Variants in EFCAB5 observed in about 807,000 individuals in gnomAD.
EFCAB5 encodes the protein EF-hand calcium binding domain 5.
A neutral mutation model predicts 167.9 loss-of-function variants in EFCAB5; 131 were observed. The observed-to-expected ratio is 0.78, with a 90% CI of 0.68 to 0.90. EFCAB5 has a LOEUF of 0.90. EFCAB5 is among the 40% of genes least tolerant of loss of function. EFCAB5 has a pLI of 0.00. For missense variants in EFCAB5, 1,663 were observed against 1,745.2 expected (o/e 0.95, Z 0.84); for synonymous variants, 574 against 602.8 (o/e 0.95, Z 0.70).
chr17:30,086,118 C>G (rs1466343658), intron 18 of EFCAB5, among the ~76,000 whole-genome samples: 1 of 152,088 alleles, frequency 6.6e-6, no homozygotes, highest in African/African-American at 2.4e-5. Context: ...GCCTCAACCT[C>G]CGGGGTAGCT....
At chr17:29,971,495 G>A (rs1159759589) in intron 4 of EFCAB5, among the ~76,000 whole-genome samples, 1 of 152,038 alleles carries the variant, frequency 6.6e-6, no homozygotes, top group African/African-American at 2.4e-5. Context: ...TATATTACTA[G>A]TTCTGTTCCA....
intron 7 of EFCAB5, among the ~76,000 whole-genome samples, chr17:30,016,104 T>C (rs1196047063): frequency 2.0e-5 from 3 of 152,200 alleles, no homozygotes; most frequent in Non-Finnish European, 4.4e-5. Flanking sequence ...TCATAACTGT[T>C]CTTTATATAT....
intron 14 of EFCAB5, among the ~76,000 whole-genome samples, chr17:30,068,364 G>T (rs2070634837): frequency 6.6e-6 from 1 of 151,018 alleles, no homozygotes; most frequent in African/African-American, 2.4e-5. Flanking sequence ...AGAGGAAAAA[G>T]AAATTTAAAA....
At chr17:29,997,224 G>A (rs967773875) in intron 6 of EFCAB5, among the ~76,000 whole-genome samples, 5 of 150,068 alleles carry the variant, frequency 3.3e-5, no homozygotes, top group African/African-American at 1.2e-4. Flanking sequence ...CAGCCTGGGT[G>A]ACAGAGTGAG....
At chr17:29,930,157 A>G in intron 1 of EFCAB5, 1 of 659,060 alleles carries the variant, frequency 1.5e-6, no homozygotes, top group Non-Finnish European at 2.5e-6. Flanking sequence ...CTCCGCACCC[A>G]CCACCAGACT....
intron 14 of EFCAB5, among the ~76,000 whole-genome samples, chr17:30,062,250 G>A (rs2070444098): frequency 6.6e-6 from 1 of 152,178 alleles, no homozygotes; most frequent in Admixed American, 6.5e-5. Flanking sequence ...ATAACTGAGG[G>A]AGAGTGCCAT....
At chr17:29,931,520 T>TG (rs2067194650) in intron 1 of EFCAB5, among the ~76,000 whole-genome samples, 1 of 152,206 alleles carries the variant, frequency 6.6e-6, no homozygotes, top group Non-Finnish European at 1.5e-5. Flanking sequence ...AGAAGCCAGC[T>TG]GGTAGGCTTT....
chr17:30,007,292 T>A (rs1289384851), intron 7 of EFCAB5, among the ~76,000 whole-genome samples: 1 of 152,204 alleles, frequency 6.6e-6, no homozygotes, highest in Non-Finnish European at 1.5e-5. Context: ...TGTCTGCTGT[T>A]GATGAAGCTG....
At position 29,993,175 on chromosome 17, in the gene EFCAB5, A is replaced by G; in HGVS notation, c.778A>G (p.Met260Val). The change falls in exon 5 of 23, where the codon ATG becomes GTG. Residue 260 changes from methionine to valine, a missense_variant. Physicochemically the swap from Met to Val is conservative, Grantham distance 21 (BLOSUM62 1). Transcript: ENST00000394835. ...ATCTACATCCTGCAGAGTATCCAAG[A>G]TGAAGGAGAATGTTAAACAGAATAG... is the stretch of plus-strand genomic sequence containing the variant. Reference protein sequence around the residue: ...PDTICNRVSKMKENVKQNRKQ... With the variant: ...PDTICNRVSKVKENVKQNRKQ... The G allele has an allele frequency of 1.2e-6, 2 of 1,610,596 alleles. No homozygotes were observed. Among genetic ancestry groups the G allele is most frequent in the Non-Finnish European group, 8.5e-7 (1 of 1,178,226 alleles).
intron 9 of EFCAB5, among the ~76,000 whole-genome samples, chr17:30,051,973 T>A: frequency 6.6e-6 from 1 of 152,290 alleles, no homozygotes; most frequent in Admixed American, 6.5e-5. Context: ...TTTTATTTTT[T>A]TTTATTTTAT....
rs779835458 is a variant in EFCAB5, at chr17:30,087,152, G to A, written c.3669G>A (p.Lys1223=). ...IHKNPPTIHR[K]SCIFRDFLFK... ...AAAATCCTCCTACCATCCACAGGAAGTCATGCATCTTCAGGTTAGAGACAT... is the reference window on the plus strand; with the variant it reads ...AAAATCCTCCTACCATCCACAGGAAATCATGCATCTTCAGGTTAGAGACAT... The change falls in exon 19 of 23, where the codon AAG becomes AAA. Residue 1223 remains lysine (K), a synonymous_variant. Transcript: ENST00000394835. The A allele has an allele frequency of 2.1e-5, 34 of 1,613,532 alleles. No homozygotes were observed. Among genetic ancestry groups the A allele is most frequent in the Non-Finnish European group, 2.7e-5 (32 of 1,179,666 alleles).
intron 4 of EFCAB5, among the ~76,000 whole-genome samples, chr17:29,986,636 CA>C (rs2068287602): frequency 4.5e-5 from 4 of 87,948 alleles, no homozygotes; most frequent in African/African-American, 2.2e-4. Context: ...GGAGTATATT[CA>C]TTTTTTTTTT....
At chr17:29,999,154 A>G (rs192691924) in intron 6 of EFCAB5, among the ~76,000 whole-genome samples, 186 of 152,180 alleles carry the variant, frequency 1.2e-3, no homozygotes, top group African/African-American at 4.3e-3. Context: ...ATTCAAGTCC[A>G]TGACTGCAGC....
At chr17:30,087,760 G>A (rs1399172611) in intron 19 of EFCAB5, among the ~76,000 whole-genome samples, 3 of 152,150 alleles carry the variant, frequency 2.0e-5, no homozygotes, top group Admixed American at 1.3e-4. Flanking sequence ...ACATATGTGT[G>A]CATGTATCTT....
chr17:29,970,276 A>G (rs1446298006), intron 4 of EFCAB5, among the ~76,000 whole-genome samples: 1 of 152,090 alleles, frequency 6.6e-6, no homozygotes, highest in Non-Finnish European at 1.5e-5. Context: ...TTTCCATCCT[A>G]TTCCATTGGT....
chr17:30,071,145 T>C (rs2070727312), intron 14 of EFCAB5, among the ~76,000 whole-genome samples: 1 of 150,054 alleles, frequency 6.7e-6, no homozygotes, highest in South Asian at 2.1e-4. Context: ...CGGGATTCTA[T>C]CAAACTTTTA....
Position 30,069,704 on chromosome 17 carries a change from C to G in EFCAB5, c.2738-8511C>G, listed in dbSNP as rs576942832. ...CAGGCTGTGTACTCTCATGTACCCG[C>G]CGTAGTCTCATGTACCCCCGGTGCT... On this transcript the variant is annotated intron_variant, in intron 14 of 22. Transcript: ENST00000394835. 16 of 1,157,190 alleles carry G rather than the reference C, an allele frequency of 1.4e-5. No homozygotes were observed. The African/African-American group carries it at 2.0e-4, about 14-fold the overall frequency. 71.7% of individuals were successfully genotyped at this position (1,157,190 alleles called of 1,614,324 possible). A position where few individuals can be genotyped will look rare whatever the true frequency, so the allele number is the denominator to read the frequency against.
rs901661356 is a variant in EFCAB5 at position 29,997,193 on chromosome 17, C to T, written c.973+833C>T. Among the ~76,000 whole-genome samples, 5 of 150,592 alleles carry T rather than the reference C, an allele frequency of 3.3e-5. No individual in the cohort carries two copies. In the South Asian group the frequency reaches 8.4e-4, roughly 25 times the overall value. ...CCAGGAGGCGGAGGTTGCAGTGAGC[C>T]GAGGTGACGCCACTGCACTCCAGCC... On this transcript the variant is annotated intron_variant, in intron 6 of 22. Coordinates refer to ENST00000394835, the MANE Select transcript of EFCAB5 (RefSeq NM_198529.4).
At chr17:30,008,779 C>T (rs1219699966) in intron 7 of EFCAB5, among the ~76,000 whole-genome samples, 1 of 152,072 alleles carries the variant, frequency 6.6e-6, no homozygotes, top group East Asian at 1.9e-4. Flanking sequence ...ATATAATTTA[C>T]AAACTGCATT....
Sources: allele counts gnomAD v4.1 joint callset (sites outside exome capture counted in the v4.1 genomes callset), GRCh38; gene constraint gnomAD v4.1.1; transcripts MANE v1.5; gene names NCBI Gene and HGNC (gene_info 2026-07-23, HGNC 2026-07-21).